Variants in PLAA observed in about 807,000 individuals in gnomAD.
The protein encoded by PLAA is phospholipase A2 activating protein, also known as phospholipase A-2-activating protein.
A neutral mutation model predicts 84.1 loss-of-function variants in PLAA; 48 were observed. The observed-to-expected ratio is 0.57, with a 90% CI of 0.45 to 0.73. PLAA has a LOEUF of 0.73. Ranked by LOEUF, PLAA falls within the 30% of genes least tolerant of loss-of-function variation. The pLI is 0.00. For missense variants in PLAA, 903 were observed against 954.7 expected, an observed-to-expected ratio of 0.95 and a Z score of 0.71; for synonymous variants, 392 against 336.6, an observed-to-expected ratio of 1.16 and a Z score of -1.80.
At chr9:26,917,344 T>G (rs1026579302) in intron 9 of PLAA, among the ~76,000 whole-genome samples, 179 bp from the exon 10 acceptor site, 8 of 152,232 alleles carry the variant, frequency 5.3e-5, no homozygotes, top group African/African-American at 1.9e-4. Context: ...AACTGAAATT[T>G]TAATGATTCT....
chr9:26,928,534 C>T (rs1825056382), intron 2 of PLAA, 126 bp from the exon 3 acceptor site: 9 of 706,630 alleles, frequency 1.3e-5, no homozygotes, highest in Non-Finnish European at 9.9e-6. Flanking sequence ...AACTAAGGCT[C>T]AATTCAGCAG....
rs1317011699 is a variant in PLAA at position 26,946,941 on chromosome 9, C to T, written c.105G>A (p.Val35=). 1.3e-6 allele frequency: 2 copies of T among 1,586,290 alleles called. No individual in the cohort carries two copies. Among genetic ancestry groups the T allele is most frequent in the South Asian group, 1.1e-5 (1 of 87,184 alleles). Residue 35 remains valine (V), a synonymous_variant, in exon 1 of 14, where the codon GTG becomes GTA. Transcript: ENST00000397292. ...GGGTGGTGCGGTCTCGGGACACGGA[C>T]ACAAAGGCTCCCGGCGGATAGGCGC... ...VCCAYPPGAF[V]SVSRDRTTRL...
intron 13 of PLAA, among the ~76,000 whole-genome samples, chr9:26,906,772 G>A (rs1185743223): frequency 6.6e-6 from 1 of 152,092 alleles, no homozygotes; most frequent in Non-Finnish European, 1.5e-5. Context: ...GTGATAGGAT[G>A]CTTATAGGTT....
At chr9:26,920,489 G>A in intron 7 of PLAA, 105 bp from the exon 8 acceptor site, 8 of 626,798 alleles carry the variant, frequency 1.3e-5, no homozygotes, top group African/African-American at 5.5e-5. Flanking sequence ...AAGAGAATAT[G>A]GATTTTGTTT....
chr9:26,911,633 A>T (rs1238220681), intron 11 of PLAA, among the ~76,000 whole-genome samples: 1 of 152,182 alleles, frequency 6.6e-6, no homozygotes, highest in East Asian at 1.9e-4. Flanking sequence ...AGTCTCTATT[A>T]TATTAACAGA....
intron 11 of PLAA, among the ~76,000 whole-genome samples, chr9:26,911,214 G>A (rs1180701935): frequency 6.6e-6 from 1 of 152,048 alleles, no homozygotes; most frequent in African/African-American, 2.4e-5. Context: ...GTACAGTGGC[G>A]TAATCTCGGC....
rs1357133809 is a variant in PLAA, at chr9:26,925,880, G to A, written c.814C>T (p.Gln272Ter). 2 of 1,613,702 alleles carry A rather than the reference G, an allele frequency of 1.2e-6. No homozygotes were observed. The highest frequency in any genetic ancestry group is 1.7e-5 in the Admixed American group (1 of 60,000). Reference sequence around the variant, plus strand: ...AGCACACAGCAGCACCATATAGACTGAGCTGGAAGTCGGATAGTTTGAGCA... The same window carrying A: ...AGCACACAGCAGCACCATATAGACTAAGCTGGAAGTCGGATAGTTTGAGCA... ...ECAQTIRLPA[Q>*]SIWCCCVLDN... is the part of the protein sequence containing the mutation. Residue 272 changes from glutamine to a stop codon, truncating the protein, a stop_gained, in exon 6 of 14, where the codon CAG becomes TAG. Coordinates refer to ENST00000397292, the MANE Select transcript of PLAA (RefSeq NM_001031689.3). LOFTEE classifies it high-confidence loss of function.
intron 10 of PLAA, 59 bp from the exon 11 acceptor site, chr9:26,914,006 T>C (rs1400710771): frequency 1.7e-6 from 2 of 1,195,552 alleles, no homozygotes; most frequent in East Asian, 4.7e-5. Flanking sequence ...AAGTTCAAAC[T>C]GCTCCTTCGC....
In PLAA at chr9:26,936,791, C is replaced by T. The variant is rs182375719; in HGVS notation, c.150-1585G>A. On this transcript the variant is annotated intron_variant, in intron 1 of 13. Coordinates refer to ENST00000397292, the MANE Select transcript of PLAA (RefSeq NM_001031689.3). Reference sequence around the variant, plus strand: ...GGCAGCCATTGTTGTTGCACCTCCCCCGGTTGATGCAAGCCTCTACCACTT... The same window carrying T: ...GGCAGCCATTGTTGTTGCACCTCCCTCGGTTGATGCAAGCCTCTACCACTT... Among the ~76,000 whole-genome samples, 10 of 152,280 alleles carry T rather than the reference C, an allele frequency of 6.6e-5. No homozygotes were observed. The East Asian group carries it at 1.9e-3, about 29-fold the overall frequency.
intron 12 of PLAA, 45 bp from the exon 13 acceptor site, chr9:26,908,043 GC>G: frequency 6.9e-7 from 1 of 1,444,022 alleles, no homozygotes; most frequent in Non-Finnish European, 9.4e-7. Context: ...ACTGTAATTG[GC>G]CAGATAATAT....
intron 2 of PLAA, among the ~76,000 whole-genome samples, chr9:26,930,746 C>T (rs1383626494): frequency 6.6e-6 from 1 of 151,676 alleles, no homozygotes; most frequent in Non-Finnish European, 1.5e-5. Flanking sequence ...CCATGCCCGG[C>T]TAATTTTTTT....
At chr9:26,913,112 TG>T (rs1824447375) in intron 11 of PLAA, among the ~76,000 whole-genome samples, 1 of 152,206 alleles carries the variant, frequency 6.6e-6, no homozygotes, top group South Asian at 2.1e-4. Context: ...GGTAGGTTTA[TG>T]GGTGTTTATT....
chr9:26,921,623 A>G (rs1281746266), intron 7 of PLAA, among the ~76,000 whole-genome samples: 1 of 152,238 alleles, frequency 6.6e-6, no homozygotes, highest in African/African-American at 2.4e-5. Flanking sequence ...TTTAAACGCT[A>G]CAGTGTACAA....
rs1470622626 is a variant in PLAA, at chr9:26,905,367, G to A, written c.*144C>T. On this transcript the variant is annotated 3_prime_UTR_variant, in exon 14 of 14. Transcript: ENST00000397292. ...TCAGCAGTGCAAAAATTTTATTTCT[G>A]TTTCCCCTCCCCACCACTTTACAAG... 3.0e-6 allele frequency: 2 copies of A among 661,118 alleles called. No homozygotes were observed. The highest frequency in any genetic ancestry group is 5.0e-6 in the Non-Finnish European group (2 of 397,254). The allele number at this position is 661,118 out of a possible 1,614,324, so 41.0% of individuals were successfully genotyped here.
At chr9:26,909,860 G>T (rs1824346543) in intron 12 of PLAA, among the ~76,000 whole-genome samples, 1 of 152,142 alleles carries the variant, frequency 6.6e-6, no homozygotes, top group Non-Finnish European at 1.5e-5. Flanking sequence ...CTGACCTTAG[G>T]CAGTCCGCCC....
At chr9:26,913,559 G>A (rs970650531) in intron 11 of PLAA, among the ~76,000 whole-genome samples, 5 of 152,110 alleles carry the variant, frequency 3.3e-5, no homozygotes, top group Non-Finnish European at 5.9e-5. Flanking sequence ...AGTAGTTTCC[G>A]ATCCTAGATG....
chr9:26,905,674 G>C lies in PLAA; in HGVS notation c.2225C>G (p.Thr742Ser). The stretch of plus-strand genomic sequence containing the variant: ...TCCAAGAGCCACAAGAAGTCTAAAA[G>C]TGGCTTCTAGGTCTTGTACTACTTC... ...ILEVVQDLEA[T>S]FRLLVALGTL... is the part of the protein sequence containing the mutation. The change falls in exon 14 of 14, where the codon ACT becomes AGT. Residue 742 changes from threonine (T) to serine (S), a missense_variant. Coordinates refer to ENST00000397292, the MANE Select transcript of PLAA (RefSeq NM_001031689.3). The C allele has an allele frequency of 6.2e-7, 1 of 1,614,192 alleles. No individual in the cohort carries two copies. The highest frequency in any genetic ancestry group is 8.5e-7 in the Non-Finnish European group (1 of 1,180,026).
intron 4 of PLAA, 72 bp downstream of exon 4, chr9:26,928,028 A>G (rs1460413467): frequency 2.0e-6 from 3 of 1,480,364 alleles, no homozygotes; most frequent in Admixed American, 4.5e-5. Flanking sequence ...TCATGCTTGT[A>G]AACTTCTGAG....
chr9:26,906,571 G>A (rs1824244301), intron 13 of PLAA, among the ~76,000 whole-genome samples: 1 of 151,914 alleles, frequency 6.6e-6, no homozygotes, highest in Non-Finnish European at 1.5e-5. Context: ...GGAATTACAG[G>A]TGCACGTCAC....
Sources: allele counts gnomAD v4.1 joint callset (sites outside exome capture counted in the v4.1 genomes callset), GRCh38; gene constraint gnomAD v4.1.1; transcripts MANE v1.5; gene names NCBI Gene and HGNC (gene_info 2026-07-23, HGNC 2026-07-21).